The following DOK4 variants were observed in gnomAD, a reference collection of about 807,000 sequenced individuals.
DOK4 encodes docking protein 4, also known as downstream of tyrosine kinase 4.
Under a neutral mutation model 40.1 loss-of-function variants are expected in DOK4, and 26 were observed. The observed-to-expected ratio is 0.65, with a 90% CI of 0.48 to 0.90. The LOEUF (loss-of-function observed/expected upper bound fraction) is 0.90, where lower values mean the gene tolerates loss of function less well. Ranked by LOEUF, DOK4 falls within the 40% of genes least tolerant of loss-of-function variation. DOK4 has a pLI of 0.00. For synonymous variants in DOK4, 179 were observed against 177.0 expected, an observed-to-expected ratio of 1.01 and a Z score of -0.09; for missense variants, 392 against 437.2, an observed-to-expected ratio of 0.90 and a Z score of 0.92.
In DOK4 at chr16:57,479,556, G is replaced by A. The variant is rs773099369; in HGVS notation, c.-49C>T. On this transcript the variant is annotated 5_prime_UTR_variant, in exon 2 of 9. Coordinates refer to ENST00000340099, the Ensembl canonical transcript of DOK4. The surrounding 1 kb of genome is among the most constrained non-coding windows in gnomAD (Gnocchi z 5.8). ...CGGGGCCTGGCAGAGGCGAGGGGAA[G>A]GATGCCCAGGTGCCTGGGTCTCCGG... 4 of 1,603,528 alleles carry A rather than the reference G, an allele frequency of 2.5e-6. No individual in the cohort carries two copies. Among genetic ancestry groups the A allele is most frequent in the Admixed American group, 3.3e-5 (2 of 59,976 alleles).
chr16:57,483,493 T>C (rs2031469113), intron 1 of DOK4, among the ~76,000 whole-genome samples: 1 of 151,992 alleles, frequency 6.6e-6, no homozygotes, highest in Non-Finnish European at 1.5e-5. Flanking sequence ...AAGCTGGGCA[T>C]GTGGCACGTG....
chr16:57,475,727 T>TCTCTCCTC, intron 3 of DOK4, 107 bp from the exon 4 acceptor site: 8 of 426,486 alleles, frequency 1.9e-5, no homozygotes, highest in Non-Finnish European at 1.6e-5. Context: ...CTCCTCCTTC[T>TCTCTCCTC]CTCTCCTCCT....
At chr16:57,481,960 G>GTTCA (rs2031423193) in intron 1 of DOK4, 1 of 152,134 alleles carries the variant, frequency 6.6e-6, no homozygotes, top group African/African-American at 2.4e-5. Context: ...TGCCTCCTGG[G>GTTCA]TTCACGCCAT....
At chr16:57,478,298 C>T (rs2031272475) in intron 2 of DOK4, among the ~76,000 whole-genome samples, 1 of 152,206 alleles carries the variant, frequency 6.6e-6, no homozygotes, top group Admixed American at 6.5e-5. Flanking sequence ...TCTCCAAGAC[C>T]AGCCCTGCTC....
chr16:57,475,554 C>A, exon 4 of DOK4: 1 of 1,609,836 alleles, frequency 6.2e-7, no homozygotes, highest in Non-Finnish European at 8.5e-7. Context: ...AATATGATGG[C>A]CACCGCCTGC....
At position 57,475,431 on chromosome 16, in the gene DOK4, C is replaced by T. The variant is rs371893261; in HGVS notation, c.289+75G>A. 1.7e-5 allele frequency: 25 copies of T among 1,450,536 alleles called. No homozygotes were observed. In the South Asian group the frequency reaches 1.8e-4, roughly 10 times the overall value. 89.9% of individuals were successfully genotyped at this position (1,450,536 alleles called of 1,614,324 possible). On this transcript the variant is annotated intron_variant, in intron 4 of 8. Coordinates refer to ENST00000340099, the Ensembl canonical transcript of DOK4. ...ATCTCCACCCAGGGTTAGCCCTGCT[C>T]TGCCCGCTCCTAGCTGGACCTCTGA...
chr16:57,474,782 G>A lies in DOK4; in HGVS notation c.599+11C>T. ...ATAGTAGGACAGGGCTGGGAGGCGA[G>A]AGGGTCCTACCGGCCAGCCTCGAAG... On this transcript the variant is annotated intron_variant, in intron 6 of 8. Transcript: ENST00000340099. 1 of 1,612,882 alleles carries A rather than the reference G, an allele frequency of 6.2e-7. No homozygotes were observed. The highest frequency in any genetic ancestry group is 8.5e-7 in the Non-Finnish European group (1 of 1,179,712).
intron 1 of DOK4, among the ~76,000 whole-genome samples, chr16:57,484,614 T>A (rs1205695678): frequency 6.6e-6 from 1 of 152,210 alleles, no homozygotes; most frequent in Non-Finnish European, 1.5e-5. Context: ...CTGGTTCTCC[T>A]GGGTCCCCTG....
At chr16:57,480,841 G>A (rs2031387475) in intron 1 of DOK4, among the ~76,000 whole-genome samples, 4 of 152,202 alleles carry the variant, frequency 2.6e-5, no homozygotes, top group Admixed American at 2.0e-4. Context: ...TGCCCAGAGA[G>A]GGTAAGCTAC....
At chr16:57,484,943 C>CTA (rs2031507185) in intron 1 of DOK4, among the ~76,000 whole-genome samples, 1 of 152,236 alleles carries the variant, frequency 6.6e-6, no homozygotes, top group Non-Finnish European at 1.5e-5. Flanking sequence ...GTTAACAGCT[C>CTA]TATCCCAGCT....
chr16:57,473,907 G>A (rs372795591), exon 7 of DOK4: 34 of 1,526,430 alleles, frequency 2.2e-5, no homozygotes, highest in Middle Eastern at 1.8e-4. Flanking sequence ...TCACCCTCAC[G>A]TTCTTCTCCA....
intron 6 of DOK4, 123 bp downstream of exon 6, chr16:57,474,670 T>C: frequency 8.1e-7 from 1 of 1,230,482 alleles, no homozygotes; most frequent in Non-Finnish European, 1.1e-6. Context: ...GAACATTACA[T>C]TCCCCCTTGG....
Position 57,479,393 on chromosome 16 carries a change from CG to C in DOK4, c.66+48del, listed in dbSNP as rs776615924. On this transcript the variant is annotated intron_variant, in intron 2 of 8. Transcript: ENST00000340099. The surrounding 1 kb of genome is among the most constrained non-coding windows in gnomAD (Gnocchi z 5.8). The stretch of plus-strand genomic sequence containing the variant: ...GCCTCCAAGCCTGGGACCGAGTCCT[CG>C]GGCCCCCATCCCTTGGCAGGGCCCC... The C allele has an allele frequency of 6.2e-7, 1 of 1,603,228 alleles. No individual in the cohort carries two copies. Among genetic ancestry groups the C allele is most frequent in the South Asian group, 1.1e-5 (1 of 90,610 alleles).
In DOK4 at chr16:57,479,496, A is replaced by G. The variant is rs755382457; in HGVS notation, c.12T>C (p.Asn4=). The change falls in exon 2 of 9, where the codon AAT becomes AAC. Residue 4 remains asparagine, a synonymous_variant. Transcript: ENST00000340099. This position sits in a 1 kb window ranked among gnomAD's most constrained non-coding sequence, Gnocchi z 5.8. ...AGCCTTGCTTGACGATGTCACTGAA[A>G]TTGGTCGCCATGGTTTTCCCACCTT... The G allele has an allele frequency of 1.4e-5, 22 of 1,613,432 alleles. No individual in the cohort carries two copies. The highest frequency in any genetic ancestry group is 1.9e-5 in the Non-Finnish European group (22 of 1,179,864).
At chr16:57,482,363 G>GTTTTTTTTTTTTTTTTTTTTTTTT in intron 1 of DOK4, among the ~76,000 whole-genome samples, 1 of 93,026 alleles carries the variant, frequency 1.1e-5, no homozygotes, top group Admixed American at 1.3e-4. Context: ...TGGGGCTTTT[G>GTTTTTTTTTTTTTTTTTTTTTTTT]TTTTTTTTTT....
chr16:57,483,192 G>A (rs1474081159), intron 1 of DOK4, among the ~76,000 whole-genome samples: 1 of 152,188 alleles, frequency 6.6e-6, no homozygotes, highest in Non-Finnish European at 1.5e-5. Flanking sequence ...GCCAATAGGT[G>A]GACCCACAAA....
rs753718671 is a variant in DOK4, at chr16:57,475,754, T to C, written c.174+96A>G. 9.8e-5 allele frequency: 67 copies of C among 680,710 alleles called. No individual in the cohort carries two copies. The East Asian group carries it at 2.6e-3, about 27-fold the overall frequency. The allele number at this position is 680,710 out of a possible 1,614,324, so 42.2% of individuals were successfully genotyped here. A position where few individuals can be genotyped will look rare whatever the true frequency, so the allele number is the denominator to read the frequency against. The stretch of plus-strand genomic sequence containing the variant: ...TCTCCTCCTCTCCCTCTCTCCCCCT[T>C]TCTCCCCTCTCTCCCTCTCTCCCCT... On this transcript the variant is annotated intron_variant, in intron 3 of 8. Coordinates refer to ENST00000340099, the Ensembl canonical transcript of DOK4.
exon 9 of DOK4, chr16:57,472,296 AAAC>A (rs1220400068): frequency 6.6e-6 from 1 of 152,646 alleles, no homozygotes; most frequent in Non-Finnish European, 1.5e-5. Context: ...AAAACCCAAA[AAAC>A]AACAAAAAAC....
At chr16:57,474,732 A>G (rs2031061246) in intron 6 of DOK4, 61 bp downstream of exon 6, 8 of 1,580,784 alleles carry the variant, frequency 5.1e-6, no homozygotes, top group Admixed American at 3.6e-5. Flanking sequence ...CCCAACACAG[A>G]GTGAATGGCA....
Sources: allele counts gnomAD v4.1 joint callset (sites outside exome capture counted in the v4.1 genomes callset), GRCh38; gene constraint gnomAD v4.1.1; non-coding constraint Gnocchi (gnomAD v3.1); transcripts MANE v1.5; gene names NCBI Gene and HGNC (gene_info 2026-07-23, HGNC 2026-07-21).